LRP2: variants seen among roughly 807,000 people sequenced by gnomAD.
The protein encoded by LRP2 is LDL receptor related protein 2.
In LRP2, 172 loss-of-function variants were observed where a neutral mutation model predicts 531.0. That is an observed-to-expected ratio of 0.32 (90% CI 0.29 to 0.37). The LOEUF (loss-of-function observed/expected upper bound fraction) is 0.37. LRP2 is among the 10% of genes least tolerant of loss of function. The pLI is 1.00. For missense variants in LRP2, 5,167 were observed against 5,868.3 expected, an observed-to-expected ratio of 0.88 and a Z score of 3.90; for synonymous variants, 1,992 against 2,027.6, an observed-to-expected ratio of 0.98 and a Z score of 0.47.
intron 46 of LRP2, among the ~76,000 whole-genome samples, chr2:169,196,142 A>G (rs1687996212): frequency 6.6e-6 from 1 of 152,130 alleles, no homozygotes; most frequent in South Asian, 2.1e-4. Flanking sequence ...TACAGGCCCT[A>G]TGGTCTCTGT....
rs1250020591 is a variant in LRP2 at position 169,326,779 on chromosome 2, C to G, written c.80-5895G>C. Among the ~76,000 whole-genome samples the G allele has an allele frequency of 6.7e-5, 10 of 149,984 alleles. 2 individuals are homozygous for G. Among genetic ancestry groups the G allele is most frequent in the African/African-American group, 2.5e-4 (10 of 40,012 alleles). On this transcript the variant is annotated intron_variant, in intron 1 of 78. Transcript: ENST00000649046. ...CCCATCTAGGAAGTGAGGAGCGCCT[C>G]TTCCCGGCAGCCATCCCATCTGGGA... is the stretch of plus-strand genomic sequence containing the variant.
intron 50 of LRP2, among the ~76,000 whole-genome samples, chr2:169,184,038 G>A (rs1184929309): frequency 6.6e-6 from 1 of 152,032 alleles, no homozygotes; most frequent in African/African-American, 2.4e-5. Context: ...TTCCTCACAT[G>A]TATTTAATTC....
chr2:169,142,542 A>G, intron 71 of LRP2, 132 bp downstream of exon 71: 1 of 1,276,908 alleles, frequency 7.8e-7, no homozygotes, highest in Non-Finnish European at 1.1e-6. Context: ...CATACCTCCC[A>G]CATCCCTTAA....
At position 169,285,629 on chromosome 2, in the gene LRP2, C is replaced by T. The variant is rs571479744; in HGVS notation, c.1043-2628G>A. 1.6e-3 allele frequency among the ~76,000 whole-genome samples: 245 copies of T among 152,256 alleles called. 1 individual carries two copies. The Middle Eastern group carries it at 0.037, about 23-fold the overall frequency. Reference sequence around the variant, plus strand: ...CCCTTTTTAACTGAGCCCCCCTTGGCCACCCTCTGATCCATCTGGCTGTGT... The same window carrying T: ...CCCTTTTTAACTGAGCCCCCCTTGGTCACCCTCTGATCCATCTGGCTGTGT... On this transcript the variant is annotated intron_variant, in intron 9 of 78. Coordinates refer to ENST00000649046, the MANE Select transcript of LRP2 (RefSeq NM_004525.3).
Position 169,236,022 on chromosome 2 carries a change from C to T in LRP2, c.4738G>A (p.Glu1580Lys), listed in dbSNP as rs761808473. Residue 1580 changes from glutamate to lysine, a missense_variant, in exon 29 of 79, where the codon GAG becomes AAG. Coordinates refer to ENST00000649046, the MANE Select transcript of LRP2 (RefSeq NM_004525.3). ...WSDWGHHPRI[E>K]RASMDGSMRT... ...ATGCTGCCGTCCATGCTGGCTCGCTCGATGCGAGGGTGGTGGCCCCAGTCA... is the reference window on the plus strand; with the variant it reads ...ATGCTGCCGTCCATGCTGGCTCGCTTGATGCGAGGGTGGTGGCCCCAGTCA... 3 of 1,614,060 alleles carry T rather than the reference C, an allele frequency of 1.9e-6. No individual in the cohort carries two copies. In the East Asian group the frequency reaches 6.7e-5, roughly 36 times the overall value.
chr2:169,342,339 AGCTTTCT>A (rs1685585479), intron 1 of LRP2, among the ~76,000 whole-genome samples: 1 of 152,164 alleles, frequency 6.6e-6, no homozygotes. Flanking sequence ...AACAAATAAA[AGCTTTCT>A]CTTTGTTCCA....
intron 55 of LRP2, among the ~76,000 whole-genome samples, 185 bp downstream of exon 55, chr2:169,175,008 C>A (rs992114428): frequency 7.2e-6 from 1 of 139,508 alleles, no homozygotes. Context: ...TTGTAAAAAC[C>A]TTAAGATTTC....
chr2:169,142,374 G>A (rs1211824840), intron 71 of LRP2, among the ~76,000 whole-genome samples: 3 of 152,136 alleles, frequency 2.0e-5, no homozygotes, highest in African/African-American at 7.2e-5. Context: ...TTGAGGTAGA[G>A]GTCTTATAAA....
rs759417883 is a variant in LRP2, at chr2:169,307,391, C to A, written c.317G>T (p.Ser106Ile). ...TGTTATCTGATGACTTGAGCATGTA[C>A]TTTGTGCTGCGAAGAGAAAAAATTA... ...GSDERQDCSQ[S>I]TCSSHQITCS... The change falls in exon 4 of 79, where the codon AGT becomes ATT. Residue 106 changes from serine to isoleucine, a missense_variant. Physicochemically the swap from Ser to Ile is moderately radical, Grantham distance 142. Around this residue, in one of 6 missense-constraint regions of LRP2, gnomAD observed 2,811 missense variants for 3,058.0 expected, o/e 0.92. Coordinates refer to ENST00000649046, the MANE Select transcript of LRP2 (RefSeq NM_004525.3). 6.3e-7 allele frequency: 1 copy of A among 1,594,000 alleles called. No homozygotes were observed. Among genetic ancestry groups the A allele is most frequent in the Non-Finnish European group, 8.6e-7 (1 of 1,161,752 alleles).
At chr2:169,247,539 A>G (rs777793192) in intron 19 of LRP2, 24 bp from the exon 20 acceptor site, 22 of 1,613,272 alleles carry the variant, frequency 1.4e-5, no homozygotes, top group East Asian at 4.5e-5. Flanking sequence ...TGGGTAGATT[A>G]GTATTTTCAG....
intron 58 of LRP2, 99 bp downstream of exon 58, chr2:169,171,916 C>G (rs141500552): frequency 6.1e-5 from 84 of 1,370,698 alleles, no homozygotes; most frequent in Non-Finnish European, 8.2e-5. Flanking sequence ...TATCATCCTA[C>G]CCATTGAGGA....
At chr2:169,326,295 C>CT (rs1685057059) in intron 1 of LRP2, among the ~76,000 whole-genome samples, 3 of 150,758 alleles carry the variant, frequency 2.0e-5, no homozygotes, top group South Asian at 4.3e-4. Flanking sequence ...GCTGCCATCT[C>CT]GGCTCACTGC....
intron 60 of LRP2, among the ~76,000 whole-genome samples, chr2:169,168,983 T>C (rs1686891906): frequency 1.3e-5 from 2 of 152,216 alleles, no homozygotes; most frequent in Admixed American, 6.5e-5. Flanking sequence ...GGCAACCACA[T>C]CATCAACGAT....
intron 4 of LRP2, among the ~76,000 whole-genome samples, chr2:169,296,073 C>A (rs1684127809): frequency 6.6e-6 from 1 of 151,966 alleles, no homozygotes; most frequent in African/African-American, 2.4e-5. Flanking sequence ...GCACAAAATT[C>A]TGTGCTGAAA....
chr2:169,293,401 C>T (rs887801714), intron 6 of LRP2, among the ~76,000 whole-genome samples: 1 of 152,144 alleles, frequency 6.6e-6, no homozygotes, highest in South Asian at 2.1e-4. Context: ...TCAGGCTGGG[C>T]GTGGTGGCTC....
intron 70 of LRP2, among the ~76,000 whole-genome samples, chr2:169,144,373 T>TCCCCACCCCCAC: frequency 7.5e-6 from 1 of 134,064 alleles, no homozygotes; most frequent in South Asian, 2.6e-4. Context: ...GTACTCCCCA[T>TCCCCACCCCCAC]CCCCACCCCC....
At chr2:169,156,499 G>A in intron 64 of LRP2, 94 bp from the exon 65 acceptor site, 1 of 1,359,690 alleles carries the variant, frequency 7.4e-7, no homozygotes, top group South Asian at 1.2e-5. Flanking sequence ...CCAGCAATGA[G>A]GACCGAGAAG....
At chr2:169,228,370 AGAT>A (rs1163153551) in intron 31 of LRP2, among the ~76,000 whole-genome samples, 5 of 151,720 alleles carry the variant, frequency 3.3e-5, no homozygotes, top group Non-Finnish European at 5.9e-5. Context: ...AATTATATTG[AGAT>A]GATATTTAAT....
intron 19 of LRP2, among the ~76,000 whole-genome samples, chr2:169,248,008 C>T (rs1690079879): frequency 6.6e-6 from 1 of 152,028 alleles, no homozygotes; most frequent in African/African-American, 2.4e-5. Flanking sequence ...TAATTTTTTT[C>T]CCTTGACTTA....
Sources: allele counts gnomAD v4.1 joint callset (sites outside exome capture counted in the v4.1 genomes callset), GRCh38; gene constraint gnomAD v4.1.1; regional missense constraint gnomAD v4.1.1; transcripts MANE v1.5; gene names NCBI Gene and HGNC (gene_info 2026-07-23, HGNC 2026-07-21).